Variants in CNTNAP4 observed in about 807,000 individuals in gnomAD.
CNTNAP4 encodes the protein contactin-associated protein-like 4.
Under a neutral mutation model 148.4 loss-of-function variants are expected in CNTNAP4, and 98 were observed. The observed-to-expected ratio is 0.66, with a 90% CI of 0.56 to 0.78. The LOEUF (loss-of-function observed/expected upper bound fraction) is 0.78, where lower values mean the gene tolerates loss of function less well. Among genes scored for constraint, CNTNAP4 ranks in the 30% least tolerant of loss-of-function variants. The probability of loss-of-function intolerance (pLI) is 0.00; values close to 1 mark genes in which losing one functional copy is unlikely to be tolerated. For synonymous variants in CNTNAP4, 730 were observed against 565.1 expected, an observed-to-expected ratio of 1.29 and a Z score of -4.14; for missense variants, 1,935 against 1,565.6, an observed-to-expected ratio of 1.24 and a Z score of -3.98.
intron 1 of CNTNAP4, among the ~76,000 whole-genome samples, chr16:76,291,632 A>T (rs1176294021): frequency 2.0e-5 from 3 of 152,138 alleles, no homozygotes; most frequent in Non-Finnish European, 2.9e-5. Context: ...GCACTTTCCC[A>T]CTTCGTAATC....
chr16:76,533,591 G>T (rs2084082250), intron 17 of CNTNAP4, among the ~76,000 whole-genome samples: 1 of 151,730 alleles, frequency 6.6e-6, no homozygotes, highest in Admixed American at 6.6e-5. Context: ...CCATAAATAT[G>T]AACAATTATT....
chr16:76,494,171 T>C (rs1359092924), intron 13 of CNTNAP4, among the ~76,000 whole-genome samples: 2 of 152,142 alleles, frequency 1.3e-5, no homozygotes, highest in Non-Finnish European at 2.9e-5. Flanking sequence ...TTCCTTGCTC[T>C]AGTTACTTGG....
intron 14 of CNTNAP4, among the ~76,000 whole-genome samples, chr16:76,495,370 A>G (rs553432678): frequency 2.0e-5 from 3 of 152,198 alleles, no homozygotes; most frequent in African/African-American, 4.8e-5. Flanking sequence ...TAGATATTCT[A>G]TTATCTTAAA....
intron 4 of CNTNAP4, among the ~76,000 whole-genome samples, chr16:76,431,161 C>T (rs1057003039): frequency 1.3e-5 from 2 of 152,076 alleles, no homozygotes; most frequent in Admixed American, 1.3e-4. Context: ...CAGATATTTT[C>T]ACATGGGAGA....
chr16:76,290,427 C>G (rs1380065116), intron 1 of CNTNAP4, among the ~76,000 whole-genome samples: 1 of 152,154 alleles, frequency 6.6e-6, no homozygotes, highest in Non-Finnish European at 1.5e-5. Context: ...AAGGATCTGT[C>G]ACTTTCATCT....
rs187349100 is a variant in CNTNAP4 at position 76,328,900 on chromosome 16, C to T, written c.196+12377C>T. On this transcript the variant is annotated intron_variant, in intron 2 of 23. Coordinates refer to ENST00000611870, the MANE Select transcript of CNTNAP4 (RefSeq NM_033401.5). ...CCTCAGGTGATCCACCTGCCTCAGC[C>T]GCCCAAAGTGCTGGGCGTGAGCCAC... Among the ~76,000 whole-genome samples the T allele has an allele frequency of 2.1e-4, 32 of 152,242 alleles. No homozygotes were observed. In the East Asian group the frequency reaches 2.1e-3, roughly 10 times the overall value.
intron 1 of CNTNAP4, among the ~76,000 whole-genome samples, chr16:76,312,142 C>T (rs926572389): frequency 2.0e-5 from 3 of 152,138 alleles, no homozygotes; most frequent in Non-Finnish European, 1.5e-5. Flanking sequence ...TCAACCTTGG[C>T]ACTATTGACA....
chr16:76,505,455 C>G lies in CNTNAP4; in HGVS notation c.2365+6761C>G, dbSNP rs796262785. On this transcript the variant is annotated intron_variant, in intron 15 of 23. Coordinates refer to ENST00000611870, the MANE Select transcript of CNTNAP4 (RefSeq NM_033401.5). ...AACCATAGGAACAGAAAAAGGATCT[C>G]TGCTGCAAGAACTTTGAGGTGAGAG... 5.1e-5 allele frequency among the ~76,000 whole-genome samples: 5 copies of G among 97,288 alleles called. 1 individual carries two copies. Among genetic ancestry groups the G allele is most frequent in the African/African-American group, 1.3e-4 (5 of 38,970 alleles). 63.8% of individuals were successfully genotyped at this position (97,288 alleles called of 152,430 possible).
chr16:76,455,473 C>T (rs768224749), intron 8 of CNTNAP4, among the ~76,000 whole-genome samples: 1 of 152,152 alleles, frequency 6.6e-6, no homozygotes, highest in Non-Finnish European at 1.5e-5. Context: ...CCAGGAGAGC[C>T]ATTTTTGTCA....
rs1057390602 is a variant in CNTNAP4, at chr16:76,345,489, T to C, written c.197-9829T>C. Reference sequence around the variant, plus strand: ...GAGGTCAAGAGTATTGGGAGAGGGATTGAACTCAATTCCATTGAAACAATT... The same window carrying C: ...GAGGTCAAGAGTATTGGGAGAGGGACTGAACTCAATTCCATTGAAACAATT... On this transcript the variant is annotated intron_variant, in intron 2 of 23. Transcript: ENST00000611870. Among the ~76,000 whole-genome samples the C allele has an allele frequency of 1.1e-4, 17 of 152,300 alleles. No individual in the cohort carries two copies. The Middle Eastern group carries it at 0.014, about 122-fold the overall frequency.
chr16:76,449,577 A>T, intron 6 of CNTNAP4, 138 bp from the exon 7 acceptor site: 5 of 640,862 alleles, frequency 7.8e-6, no homozygotes, highest in Non-Finnish European at 1.2e-5. Context: ...TTTTAAATCT[A>T]TATCTTAATT....
intron 17 of CNTNAP4, among the ~76,000 whole-genome samples, chr16:76,532,866 T>C (rs1355899867): frequency 6.6e-6 from 1 of 151,990 alleles, no homozygotes; most frequent in Non-Finnish European, 1.5e-5. Context: ...AAGTAGCAGC[T>C]CTGGTAAGGA....
chr16:76,311,107 CAG>C (rs1009590658), intron 1 of CNTNAP4, among the ~76,000 whole-genome samples: 4 of 152,008 alleles, frequency 2.6e-5, no homozygotes, highest in Non-Finnish European at 5.9e-5. Context: ...TATCTTAGTA[CAG>C]GTAATATTAC....
intron 1 of CNTNAP4, among the ~76,000 whole-genome samples, chr16:76,306,628 A>G (rs554449100): frequency 1.3e-5 from 2 of 152,360 alleles, no homozygotes; most frequent in African/African-American, 4.8e-5. Context: ...TGACAGGTAC[A>G]GTGCTTGATA....
chr16:76,389,731 G>A (rs2016805497), intron 3 of CNTNAP4, among the ~76,000 whole-genome samples: 1 of 152,118 alleles, frequency 6.6e-6, no homozygotes, highest in Non-Finnish European at 1.5e-5. Flanking sequence ...CTCCCAAAGT[G>A]CTGGGATTAC....
intron 23 of CNTNAP4, among the ~76,000 whole-genome samples, chr16:76,555,046 G>A (rs987910494): frequency 9.2e-5 from 14 of 151,884 alleles, no homozygotes; most frequent in Middle Eastern, 3.2e-3. Context: ...CAGGATAATT[G>A]TTTACTTTCT....
intron 9 of CNTNAP4, among the ~76,000 whole-genome samples, chr16:76,466,635 C>T (rs1047025601): frequency 6.6e-6 from 1 of 151,690 alleles, no homozygotes; most frequent in Non-Finnish European, 1.5e-5. Flanking sequence ...TGTCATTAGA[C>T]CACAGACAAT....
chr16:76,532,204 T>G (rs2084013269), intron 17 of CNTNAP4, among the ~76,000 whole-genome samples: 1 of 152,208 alleles, frequency 6.6e-6, no homozygotes, highest in Admixed American at 6.5e-5. Flanking sequence ...AAAGATGAGC[T>G]GATGCATACA....
intron 3 of CNTNAP4, among the ~76,000 whole-genome samples, chr16:76,400,933 T>G (rs1015742528): frequency 6.6e-6 from 1 of 152,216 alleles, no homozygotes; most frequent in Non-Finnish European, 1.5e-5. Flanking sequence ...GTGTTTTGGT[T>G]ACTGTAGCAC....
Sources: gnomAD v4.1 joint callset for allele counts (sites outside exome capture counted in the v4.1 genomes callset) on GRCh38, gnomAD v4.1.1 for gene constraint, MANE v1.5 for transcripts, NCBI Gene and HGNC (gene_info 2026-07-23, HGNC 2026-07-21) for gene names.